CDC42BPA: variants seen among roughly 807,000 people sequenced by gnomAD.
CDC42BPA encodes CDC42 binding protein kinase alpha, also known as serine/threonine-protein kinase MRCK alpha.
Under a neutral mutation model 223.5 loss-of-function variants are expected in CDC42BPA, and 80 were observed. That is an observed-to-expected ratio of 0.36 (90% CI 0.30 to 0.43). The LOEUF (loss-of-function observed/expected upper bound fraction) is 0.43. CDC42BPA is among the 20% of genes least tolerant of loss of function. The pLI, the probability that CDC42BPA is intolerant of heterozygous loss-of-function variation, is 1.00. For synonymous variants in CDC42BPA, 694 were observed against 718.6 expected (o/e 0.97, Z 0.55); for missense variants, 1,743 against 2,099.9 (o/e 0.83, Z 3.32).
chr1:227,210,704 GA>G (rs928379034), intron 3 of CDC42BPA, among the ~76,000 whole-genome samples: 3 of 152,110 alleles, frequency 2.0e-5, no homozygotes, highest in African/African-American at 7.2e-5. Context: ...TTCTAACTCT[GA>G]AACAGTAAAC....
chr1:227,121,638 T>C (rs949897895), intron 11 of CDC42BPA, among the ~76,000 whole-genome samples: 3 of 152,172 alleles, frequency 2.0e-5, no homozygotes, highest in African/African-American at 7.2e-5. Context: ...ATCTTAATCA[T>C]GGTGTTTAGT....
At position 227,092,006 on chromosome 1, in the gene CDC42BPA, A is replaced by G. The variant is rs766137159; in HGVS notation, c.2250-15T>C. 4.2e-6 allele frequency: 6 copies of G among 1,425,894 alleles called. No homozygotes were observed. The highest frequency in any genetic ancestry group is 5.8e-6 in the Non-Finnish European group (6 of 1,032,656). 88.3% of individuals were successfully genotyped at this position (1,425,894 alleles called of 1,614,324 possible). On this transcript the variant is annotated splice_polypyrimidine_tract_variant and intron_variant, in intron 15 of 36. Coordinates refer to ENST00000366766, the MANE Select transcript of CDC42BPA (RefSeq NM_001394014.1). ...TTTCACTTTGACTAACACAATTCAA[A>G]ACACAAAAGGAAAAAGGGGAATTAA...
chr1:227,261,875 G>T (rs1247148777), intron 1 of CDC42BPA, among the ~76,000 whole-genome samples: 1 of 152,154 alleles, frequency 6.6e-6, no homozygotes, highest in Non-Finnish European at 1.5e-5. Context: ...GGCAGCATAA[G>T]AGGAAAACAT....
intron 1 of CDC42BPA, among the ~76,000 whole-genome samples, chr1:227,294,513 C>T (rs888763056): frequency 6.6e-6 from 1 of 151,898 alleles, no homozygotes; most frequent in African/African-American, 2.4e-5. Context: ...AACAACCCCA[C>T]GAAGCATGTG....
At chr1:227,031,174 G>T in intron 28 of CDC42BPA, 124 bp downstream of exon 28, 1 of 704,934 alleles carries the variant, frequency 1.4e-6, no homozygotes, top group Non-Finnish European at 2.5e-6. Flanking sequence ...AACATGTACT[G>T]AGCATTTATG....
At chr1:227,260,479 C>T (rs923083201) in intron 1 of CDC42BPA, among the ~76,000 whole-genome samples, 2 of 151,076 alleles carry the variant, frequency 1.3e-5, no homozygotes, top group Non-Finnish European at 2.9e-5. Context: ...CCCATCCAAC[C>T]TCCTTCCTCC....
chr1:227,019,999 C>T (rs1028378434), intron 32 of CDC42BPA, among the ~76,000 whole-genome samples: 2 of 152,124 alleles, frequency 1.3e-5, no homozygotes, highest in African/African-American at 2.4e-5. Context: ...CAGGTTCAAG[C>T]GATTCTCCTG....
intron 35 of CDC42BPA, among the ~76,000 whole-genome samples, chr1:227,003,131 G>A (rs562268119): frequency 6.6e-6 from 1 of 152,212 alleles, no homozygotes; most frequent in South Asian, 2.1e-4. Flanking sequence ...GCTGAATGAA[G>A]AGCAAATGAA....
intron 34 of CDC42BPA, among the ~76,000 whole-genome samples, chr1:227,009,407 GTTA>G (rs1194817369): frequency 1.3e-5 from 2 of 151,730 alleles, no homozygotes; most frequent in Non-Finnish European, 2.9e-5. Context: ...TATATGAAAA[GTTA>G]TTATTATTAT....
intron 2 of CDC42BPA, among the ~76,000 whole-genome samples, chr1:227,236,633 A>G (rs1679082510): frequency 1.3e-5 from 2 of 152,240 alleles, no homozygotes; most frequent in African/African-American, 2.4e-5. Flanking sequence ...ATACAATGAT[A>G]AAGTGAACAA....
chr1:226,995,372 G>A (rs1393431145), intron 35 of CDC42BPA, among the ~76,000 whole-genome samples: 1 of 152,134 alleles, frequency 6.6e-6, no homozygotes, highest in Non-Finnish European at 1.5e-5. Flanking sequence ...ATGAAGTCAT[G>A]TTATCATCAT....
At chr1:227,206,797 T>C (rs1251805599) in intron 3 of CDC42BPA, among the ~76,000 whole-genome samples, 3 of 152,168 alleles carry the variant, frequency 2.0e-5, no homozygotes, top group Non-Finnish European at 4.4e-5. Flanking sequence ...GGAATCAGTC[T>C]TGCATCCCAA....
Position 227,029,477 on chromosome 1 carries a change from A to C in CDC42BPA, c.3839-227T>G, listed in dbSNP as rs529535432. On this transcript the variant is annotated intron_variant, in intron 29 of 36. Transcript: ENST00000366766. The stretch of plus-strand genomic sequence containing the variant: ...TTTCTGGCAGCCAAGGCAAACCCCA[A>C]AGGATTCTTGTGTAAAAGTATGCCA... 2.0e-5 allele frequency among the ~76,000 whole-genome samples: 3 copies of C among 152,290 alleles called. No homozygotes were observed. In the East Asian group the frequency reaches 5.8e-4, roughly 29 times the overall value.
chr1:227,036,978 T>C (rs1670401897), intron 24 of CDC42BPA, among the ~76,000 whole-genome samples: 1 of 151,966 alleles, frequency 6.6e-6, no homozygotes, highest in Admixed American at 6.6e-5. Flanking sequence ...CTTCAAAGGG[T>C]CTGAAGAAAA....
At chr1:227,143,422 T>C (rs1281133728) in intron 8 of CDC42BPA, among the ~76,000 whole-genome samples, 2 of 152,154 alleles carry the variant, frequency 1.3e-5, no homozygotes, top group South Asian at 2.1e-4. Context: ...CCAGCTGAGG[T>C]TGAACAGGAG....
chr1:227,095,565 G>GA (rs1207470278), intron 15 of CDC42BPA, among the ~76,000 whole-genome samples: 1 of 147,440 alleles, frequency 6.8e-6, no homozygotes, highest in Non-Finnish European at 1.5e-5. Context: ...ATCTTCTAAG[G>GA]AAAAAAGGGG....
At chr1:227,178,926 T>G (rs1371782555) in intron 5 of CDC42BPA, among the ~76,000 whole-genome samples, 1 of 152,254 alleles carries the variant, frequency 6.6e-6, no homozygotes, top group East Asian at 1.9e-4. Flanking sequence ...GCTATGAGCA[T>G]GTACACTTTT....
chr1:227,151,249 A>C (rs982952067), intron 6 of CDC42BPA, among the ~76,000 whole-genome samples: 2 of 152,184 alleles, frequency 1.3e-5, no homozygotes, highest in African/African-American at 4.8e-5. Context: ...TGGAATCATA[A>C]AATATTTGTA....
chr1:227,018,633 T>C (rs6690471), intron 32 of CDC42BPA, among the ~76,000 whole-genome samples: 2,054 of 152,106 alleles, frequency 0.014, 47 homozygotes, highest in African/African-American at 0.047. Flanking sequence ...GCCAATCTTA[T>C]ACAAATATGT....
Sources: gnomAD v4.1 joint callset for allele counts (sites outside exome capture counted in the v4.1 genomes callset) on GRCh38, gnomAD v4.1.1 for gene constraint, MANE v1.5 for transcripts, NCBI Gene and HGNC (gene_info 2026-07-23, HGNC 2026-07-21) for gene names.